ITPKB: variants seen among roughly 807,000 people sequenced by gnomAD.
ITPKB encodes inositol-trisphosphate 3-kinase B.
ITPKB carries 13 observed loss-of-function variants against 69.4 expected under a neutral mutation model. That is an observed-to-expected ratio of 0.19 (90% CI 0.12 to 0.30). The LOEUF is 0.30. Among genes scored for constraint, ITPKB ranks in the 10% least tolerant of loss-of-function variants. The pLI, the probability that ITPKB is intolerant of heterozygous loss-of-function variation, is 1.00. For missense variants in ITPKB, 1,240 were observed against 1,250.5 expected, an observed-to-expected ratio of 0.99 and a Z score of 0.13; for synonymous variants, 584 against 513.7, an observed-to-expected ratio of 1.14 and a Z score of -1.85.
At chr1:226,688,376 C>T (rs554930309) in intron 2 of ITPKB, among the ~76,000 whole-genome samples, 143 of 152,088 alleles carry the variant, frequency 9.4e-4, no homozygotes, top group Non-Finnish European at 1.7e-3. Context: ...CACCCCCACT[C>T]CTGACCGCCC....
chr1:226,653,633 T>C (rs1377436447), intron 2 of ITPKB, among the ~76,000 whole-genome samples: 1 of 152,234 alleles, frequency 6.6e-6, no homozygotes, highest in Non-Finnish European at 1.5e-5. Flanking sequence ...GTTCTGCACT[T>C]GTGATGTTCT....
rs1012167972 is a variant in ITPKB, at chr1:226,710,247, A to C, written c.1932+25280T>G. ...AATGGAAGCACCTGTGTTCATGGTG[A>C]GCCCTTTTAACTAGTTATTTCTTTT... On this transcript the variant is annotated intron_variant, in intron 2 of 7. Coordinates refer to ENST00000429204, the MANE Select transcript of ITPKB (RefSeq NM_002221.4). Among the ~76,000 whole-genome samples the C allele has an allele frequency of 1.9e-4, 29 of 152,190 alleles. 1 individual carries two copies. The highest frequency in any genetic ancestry group is 1.4e-3 in the Admixed American group (22 of 15,274).
At chr1:226,650,920 C>A (rs1669177761) in intron 2 of ITPKB, among the ~76,000 whole-genome samples, 1 of 152,344 alleles carries the variant, frequency 6.6e-6, no homozygotes, top group East Asian at 1.9e-4. Flanking sequence ...AGTGACCTTC[C>A]CTCATCCCAA....
rs749386869 is a variant in ITPKB, at chr1:226,641,335, T to C, written c.2451+586A>G. On this transcript the variant is annotated intron_variant, in intron 5 of 7. Coordinates refer to ENST00000429204, the MANE Select transcript of ITPKB (RefSeq NM_002221.4). The surrounding 1 kb of genome is among the most constrained non-coding windows in gnomAD (Gnocchi z 4.6). ...TAGAAGGGAAAGAGCCATCATTTTG[T>C]AAACCACAAACACAAAGTAAATATA... Among the ~76,000 whole-genome samples, 1 of 151,906 alleles carries C rather than the reference T, an allele frequency of 6.6e-6. No individual in the cohort carries two copies. Among genetic ancestry groups the C allele is most frequent in the Non-Finnish European group, 1.5e-5 (1 of 68,040 alleles).
intron 2 of ITPKB, among the ~76,000 whole-genome samples, chr1:226,692,224 T>C (rs1357640603): frequency 6.6e-6 from 1 of 152,130 alleles, no homozygotes; most frequent in Non-Finnish European, 1.5e-5. Flanking sequence ...TCCATTACAC[T>C]AGGCTGCCTC....
intron 2 of ITPKB, among the ~76,000 whole-genome samples, chr1:226,686,319 C>G (rs754310836): frequency 5.9e-5 from 9 of 152,142 alleles, no homozygotes; most frequent in Non-Finnish European, 1.2e-4. Flanking sequence ...CTGGACATGT[C>G]TAGTATAGAT....
chr1:226,710,186 G>A (rs1656908699), intron 2 of ITPKB, among the ~76,000 whole-genome samples: 1 of 152,184 alleles, frequency 6.6e-6, no homozygotes, highest in Non-Finnish European at 1.5e-5. Flanking sequence ...ATTGGCTGGT[G>A]ATAATGTCCC....
intron 2 of ITPKB, among the ~76,000 whole-genome samples, chr1:226,686,101 G>C (rs997691811): frequency 6.6e-6 from 1 of 151,810 alleles, no homozygotes; most frequent in Admixed American, 6.7e-5. Context: ...GCCCTAAAAG[G>C]CTTACCAGGG....
chr1:226,733,518 C>G (rs565633468), intron 2 of ITPKB, among the ~76,000 whole-genome samples: 1 of 152,228 alleles, frequency 6.6e-6, no homozygotes, highest in South Asian at 2.1e-4. Context: ...AACCAAAGCT[C>G]AAAAGTCCCT....
chr1:226,696,021 G>C (rs1485749099), intron 2 of ITPKB, among the ~76,000 whole-genome samples: 2 of 152,166 alleles, frequency 1.3e-5, no homozygotes, highest in Non-Finnish European at 2.9e-5. Context: ...ATGCTATGCT[G>C]CTTCTTCTTC....
intron 2 of ITPKB, among the ~76,000 whole-genome samples, chr1:226,669,981 C>G (rs1225724833): frequency 2.6e-5 from 4 of 151,304 alleles, no homozygotes; most frequent in South Asian, 2.1e-4. Flanking sequence ...TCAAGCAATT[C>G]TCCTGCCTCA....
Position 226,735,910 on chromosome 1 carries a change from CG to C in ITPKB, c.1548del (p.Gly517ValfsTer41). 6.2e-7 allele frequency: 1 copy of C among 1,613,626 alleles called. No individual in the cohort carries two copies. Among genetic ancestry groups the C allele is most frequent in the Middle Eastern group, 1.7e-4 (1 of 6,058 alleles). ...CCTGTGCCACGCGTCCAAGCCAAAC[CG>C]GCTTTCTCCATGGTGCCCTGCCAAA... ...SRVWQGTMEKAGLAWTRGTGV... is the reference protein window; with the variant it reads ...SRVWQGTMEKXGLAWTRGTGV... On this transcript the variant is annotated frameshift_variant, in exon 2 of 8. Coordinates refer to ENST00000429204, the MANE Select transcript of ITPKB (RefSeq NM_002221.4). LOFTEE classifies it high-confidence loss of function.
chr1:226,668,884 C>T (rs1669555866), intron 2 of ITPKB: 1 of 152,154 alleles, frequency 6.6e-6, no homozygotes, highest in Non-Finnish European at 1.5e-5. Context: ...TTATTCATTA[C>T]TGCTACAGAC....
chr1:226,704,957 C>A (rs1037344539), intron 2 of ITPKB, among the ~76,000 whole-genome samples: 1 of 152,190 alleles, frequency 6.6e-6, no homozygotes, highest in Non-Finnish European at 1.5e-5. Context: ...CACAGCATTG[C>A]TCTTGCTTGG....
rs1263010781 is a variant in ITPKB, at chr1:226,738,711, G to C, written c.-206+330C>G. 6.6e-6 allele frequency among the ~76,000 whole-genome samples: 1 copy of C among 152,172 alleles called. No homozygotes were observed. The highest frequency in any genetic ancestry group is 2.4e-5 in the African/African-American group (1 of 41,442). On this transcript the variant is annotated intron_variant, in intron 1 of 7. Transcript: ENST00000429204. This position sits in a 1 kb window ranked among gnomAD's most constrained non-coding sequence, Gnocchi z 4.2. ...CCAGGGCAGCGCCGCGGAGCGCAGG[G>C]CTTCTCCGCATCCCGGGCAGCCTCG...
chr1:226,636,786 G>T (rs1668848122), intron 7 of ITPKB, among the ~76,000 whole-genome samples: 1 of 148,994 alleles, frequency 6.7e-6, no homozygotes, highest in African/African-American at 2.6e-5. Flanking sequence ...GTGTGTGTGT[G>T]TGTGTGTGAG....
intron 2 of ITPKB, among the ~76,000 whole-genome samples, chr1:226,679,451 T>C (rs561369735): frequency 2.0e-5 from 3 of 152,330 alleles, no homozygotes; most frequent in African/African-American, 7.2e-5. Context: ...CACTTCTGTC[T>C]CAGTCCAGAA....
intron 2 of ITPKB, among the ~76,000 whole-genome samples, chr1:226,696,161 C>G (rs1656479139): frequency 6.6e-6 from 1 of 152,210 alleles, no homozygotes; most frequent in Non-Finnish European, 1.5e-5. Context: ...TAGTCACTAG[C>G]TGGGTGAATT....
chr1:226,637,760 G>GA lies in ITPKB; in HGVS notation c.2554-11dup. 1 of 1,609,848 alleles carries GA rather than the reference G, an allele frequency of 6.2e-7. No homozygotes were observed. On this transcript the variant is annotated splice_polypyrimidine_tract_variant and intron_variant, in intron 6 of 7. Transcript: ENST00000429204. The surrounding 1 kb of genome is among the most constrained non-coding windows in gnomAD (Gnocchi z 4.3). ...GGTCCCGATAGGCGATCTGGGAATA[G>GA]AAAGAGGACCAGATTTTTAAGCGCC...
Sources: gnomAD v4.1 joint callset for allele counts (sites outside exome capture counted in the v4.1 genomes callset) on GRCh38, gnomAD v4.1.1 for gene constraint, Gnocchi (gnomAD v3.1) non-coding constraint, MANE v1.5 for transcripts, NCBI Gene and HGNC (gene_info 2026-07-23, HGNC 2026-07-21) for gene names.